ADGRG3: variants seen among roughly 807,000 people sequenced by gnomAD.
ADGRG3 encodes the protein G protein-coupled receptor 97.
A neutral mutation model predicts 54.3 loss-of-function variants in ADGRG3; 39 were observed. The ratio of observed to expected loss-of-function variants is 0.72; its 90% confidence interval spans 0.56 to 0.94. The LOEUF (loss-of-function observed/expected upper bound fraction) is 0.94. ADGRG3 is among the 40% of genes least tolerant of loss of function. The pLI is 0.00. For missense variants in ADGRG3, 654 were observed against 694.6 expected (o/e 0.94, Z 0.66); for synonymous variants, 312 against 290.0 (o/e 1.08, Z -0.77).
At position 57,678,247 on chromosome 16, in the gene ADGRG3, G is replaced by A; in HGVS notation, c.423G>A (p.Leu141=). 6.2e-7 allele frequency: 1 copy of A among 1,614,200 alleles called. No individual in the cohort carries two copies. Among genetic ancestry groups the A allele is most frequent in the African/African-American group, 1.3e-5 (1 of 75,052 alleles). Residue 141 remains leucine, a synonymous_variant, in exon 4 of 12, where the codon CTG becomes CTA. Transcript: ENST00000333493. The part of the protein sequence containing the change: ...VRLPKSLFRS[L]PGNRSVVRLA... ...TTCCCAAGAGCCTTTTTCGATCCCT[G>A]CCAGGCAACAGGTCTGTGGTCCGCT...
intron 1 of ADGRG3, among the ~76,000 whole-genome samples, chr16:57,669,852 G>A (rs2048121418): frequency 6.6e-6 from 1 of 152,194 alleles, no homozygotes; most frequent in African/African-American, 2.4e-5. Context: ...GGCTGAGCAA[G>A]GGGTGGATGC....
intron 6 of ADGRG3, 86 bp downstream of exon 6, chr16:57,679,941 A>C: frequency 1.8e-6 from 2 of 1,083,818 alleles, no homozygotes; most frequent in Non-Finnish European, 2.9e-6. Flanking sequence ...CCACTGGCTG[A>C]GTCCCTCCCC....
chr16:57,676,390 C>A, intron 3 of ADGRG3, 52 bp downstream of exon 3: 4 of 1,559,636 alleles, frequency 2.6e-6, no homozygotes, highest in Non-Finnish European at 3.5e-6. Flanking sequence ...TTTTCTTGGA[C>A]GTATATTTCA....
chr16:57,679,148 C>G, intron 4 of ADGRG3, 29 bp from the exon 5 acceptor site: 1 of 1,612,328 alleles, frequency 6.2e-7, no homozygotes, highest in Non-Finnish European at 8.5e-7. Context: ...CCTTCTGCAG[C>G]CTGGCCTCCC....
intron 2 of ADGRG3, among the ~76,000 whole-genome samples, chr16:57,674,008 A>G (rs139772029): frequency 2.1e-3 from 316 of 152,322 alleles, no homozygotes; most frequent in Non-Finnish European, 3.5e-3. Context: ...GACTGGAAAT[A>G]TAAGCAGAGA....
Position 57,680,323 on chromosome 16 carries a change from C to G in ADGRG3, c.726C>G (p.Thr242=). ...GCSTEVRPEG[T]VCCCDHLTFF... is the part of the protein sequence containing the mutation. ...CCACGGAGGTCAGACCTGAGGGGAC[C>G]GTGTGCTGCTGTGACCACCTGACCT... Residue 242 remains threonine, a synonymous_variant, in exon 7 of 12, where the codon ACC becomes ACG. Transcript: ENST00000333493. 6.2e-7 allele frequency: 1 copy of G among 1,612,738 alleles called. No individual in the cohort carries two copies. The highest frequency in any genetic ancestry group is 1.3e-5 in the African/African-American group (1 of 74,510).
At chr16:57,679,047 G>A in intron 4 of ADGRG3, 130 bp from the exon 5 acceptor site, 1 of 1,063,388 alleles carries the variant, frequency 9.4e-7, no homozygotes, top group Non-Finnish European at 1.4e-6. Context: ...TTGGCTCCCT[G>A]GTCCCCTGGT....
rs1371671387 is a variant in ADGRG3 at position 57,680,511 on chromosome 16, A to T, written c.775A>T (p.Thr259Ser). 1 of 1,613,564 alleles carries T rather than the reference A, an allele frequency of 6.2e-7. No homozygotes were observed. The highest frequency in any genetic ancestry group is 2.2e-5 in the East Asian group (1 of 44,786). The change falls in exon 8 of 12, where the codon ACC becomes TCC. Residue 259 changes from threonine to serine, a missense_variant. Thr to Ser is a moderately conservative substitution (Grantham distance 58). Coordinates refer to ENST00000333493, the MANE Select transcript of ADGRG3 (RefSeq NM_170776.5). ...LTFFALLLRPTLDQSTVHILT... is the reference protein window; with the variant it reads ...LTFFALLLRPSLDQSTVHILT... ...GTTCTGGGGTCACCCACAGAGACCCACCTTGGACCAGTCCACGGTGCATAT... is the reference window on the plus strand; with the variant it reads ...GTTCTGGGGTCACCCACAGAGACCCTCCTTGGACCAGTCCACGGTGCATAT...
chr16:57,674,655 T>C (rs960485567), intron 2 of ADGRG3: 6 of 421,044 alleles, frequency 1.4e-5, no homozygotes, highest in African/African-American at 1.2e-4. Context: ...CCCAGGTATA[T>C]GCCCAAAAGA....
chr16:57,678,352 G>C (rs761158043), intron 4 of ADGRG3, 36 bp downstream of exon 4: 21 of 1,604,636 alleles, frequency 1.3e-5, no homozygotes, highest in Non-Finnish European at 1.7e-6. Context: ...TTAAGTGCTA[G>C]GTCCTCTGGG....
intron 8 of ADGRG3, chr16:57,681,173 T>C (rs749392348): frequency 1.2e-5 from 2 of 160,538 alleles, no homozygotes; most frequent in African/African-American, 2.4e-5. Flanking sequence ...GATGCAAAAA[T>C]AGTGCAGAGT....
chr16:57,677,870 C>A (rs147164141), intron 3 of ADGRG3, among the ~76,000 whole-genome samples: 1 of 152,216 alleles, frequency 6.6e-6, no homozygotes, highest in African/African-American at 2.4e-5. Flanking sequence ...GCCCTCCAGC[C>A]GTCCTCATAC....
chr16:57,670,479 T>G (rs2048134345), intron 1 of ADGRG3, among the ~76,000 whole-genome samples: 1 of 151,708 alleles, frequency 6.6e-6, no homozygotes, highest in African/African-American at 2.4e-5. Flanking sequence ...CAATGTTATC[T>G]CCCCTCCTCT....
chr16:57,679,944 C>A, intron 6 of ADGRG3, 89 bp downstream of exon 6: 2 of 1,023,228 alleles, frequency 2.0e-6, no homozygotes, highest in Non-Finnish European at 3.1e-6. Context: ...CTGGCTGAGT[C>A]CCTCCCCTGC....
At chr16:57,669,564 T>C (rs1339736426) in intron 1 of ADGRG3, among the ~76,000 whole-genome samples, 1 of 152,174 alleles carries the variant, frequency 6.6e-6, no homozygotes, top group Non-Finnish European at 1.5e-5. Context: ...CCCATGGTGA[T>C]GTGGGTGCTC....
At chr16:57,666,887 A>C (rs1409813297), upstream of ADGRG3, among the ~76,000 whole-genome samples, 1 of 152,204 alleles carries the variant, frequency 6.6e-6, no homozygotes, top group Non-Finnish European at 1.5e-5. Flanking sequence ...AGGTGCCAGG[A>C]TGGGGCTTCA....
chr16:57,684,514 G>C, intron 10 of ADGRG3, 31 bp downstream of exon 10: 2 of 1,494,902 alleles, frequency 1.3e-6, no homozygotes, highest in Non-Finnish European at 1.9e-6. Flanking sequence ...CAGGGGTGAT[G>C]CCAGCTCCCC....
In ADGRG3 at chr16:57,689,302, C is replaced by A; in HGVS notation, c.*841C>A. ...CCTAGAGAACAAGGACCTGGGTGGC[C>A]TCGCTTACTGTTCCAGCCCAGGCCA... On this transcript the variant is annotated 3_prime_UTR_variant, in exon 12 of 12. Transcript: ENST00000333493. The A allele has an allele frequency of 6.4e-6, 1 of 156,318 alleles. No individual in the cohort carries two copies. The highest frequency in any genetic ancestry group is 1.4e-5 in the Non-Finnish European group (1 of 70,552). The allele number at this position is 156,318 out of a possible 1,614,324, so 9.7% of individuals were successfully genotyped here. A position where few individuals can be genotyped will look rare whatever the true frequency, so the allele number is the denominator to read the frequency against.
rs1235718268 is a variant in ADGRG3 at position 57,673,373 on chromosome 16, C to T, written c.111C>T (p.Asn37=). 4 of 1,613,918 alleles carry T rather than the reference C, an allele frequency of 2.5e-6. No individual in the cohort carries two copies. Among genetic ancestry groups the T allele is most frequent in the Admixed American group, 1.7e-5 (1 of 60,022 alleles). Residue 37 remains asparagine, a synonymous_variant, in exon 2 of 12, where the codon AAC becomes AAT. Transcript: ENST00000333493. ...GAAACACCTGCCTGGGGAGCAACAA[C>T]ATGTACGACATCTTCAACTTGAATG... ...GPRNTCLGSN[N]MYDIFNLNDK...
Sources: allele counts gnomAD v4.1 joint callset (sites outside exome capture counted in the v4.1 genomes callset), GRCh38; gene constraint gnomAD v4.1.1; transcripts MANE v1.5; gene names NCBI Gene and HGNC (gene_info 2026-07-23, HGNC 2026-07-21).